Variants in ITGA4 observed in about 807,000 individuals in gnomAD.
ITGA4 encodes the protein integrin alpha-4.
Under a neutral mutation model 133.6 loss-of-function variants are expected in ITGA4, and 63 were observed. The observed-to-expected ratio is 0.47, with a 90% CI of 0.38 to 0.58. The LOEUF (loss-of-function observed/expected upper bound fraction) is 0.58. Ranked by LOEUF, ITGA4 falls within the 20% of genes least tolerant of loss-of-function variation. The pLI, the probability that ITGA4 is intolerant of heterozygous loss-of-function variation, is 0.00. For synonymous variants in ITGA4, 483 were observed against 438.0 expected (o/e 1.10, Z -1.28); for missense variants, 1,076 against 1,252.7 (o/e 0.86, Z 2.13).
At chr2:181,479,136 A>G in intron 5 of ITGA4, 1 of 189,272 alleles carries the variant, frequency 5.3e-6, no homozygotes. Flanking sequence ...GGTATTGAAA[A>G]TATCAACCCA....
chr2:181,535,733 A>AAGATAATCTCTCAGCTTTT lies in ITGA4; in HGVS notation c.*208_*226dup. The AAGATAATCTCTCAGCTTTT allele has an allele frequency of 2.1e-6, 1 of 467,478 alleles. No individual in the cohort carries two copies. Among genetic ancestry groups the AAGATAATCTCTCAGCTTTT allele is most frequent in the South Asian group, 4.4e-5 (1 of 22,772 alleles). 29.0% of individuals were successfully genotyped at this position (467,478 alleles called of 1,614,324 possible). A position where few individuals can be genotyped will look rare whatever the true frequency, so the allele number is the denominator to read the frequency against. ...AACTGCAAAGGTAATAATACAGCCAAAGATAATCTCTCAGCTTTTAAATGG... is the reference window on the plus strand; with the variant it reads ...AACTGCAAAGGTAATAATACAGCCAAAGATAATCTCTCAGCTTTTAGATAATCTCTCAGCTTTTAAATGG... On this transcript the variant is annotated 3_prime_UTR_variant, in exon 28 of 28. Transcript: ENST00000397033.
At position 181,509,794 on chromosome 2, in the gene ITGA4, T is replaced by TA. The variant is rs768868527; in HGVS notation, c.1834dup (p.Met612AsnfsTer14). 1.2e-6 allele frequency: 2 copies of TA among 1,603,738 alleles called. No individual in the cohort carries two copies. Among genetic ancestry groups the TA allele is most frequent in the African/African-American group, 2.7e-5 (2 of 74,218 alleles). ...CTTCAGCAGAAGAAAGAAAAAGACA[T>TA]AATGAAAAAAACAGTAGGAATATTT... On this transcript the variant is annotated frameshift_variant, in exon 16 of 28. Transcript: ENST00000397033. LOFTEE classifies it high-confidence loss of function.
In ITGA4 at chr2:181,531,898, A is replaced by G. The variant is rs1263419833; in HGVS notation, c.2784+122A>G. 3 of 623,686 alleles carry G rather than the reference A, an allele frequency of 4.8e-6. No homozygotes were observed. The East Asian group carries it at 9.4e-5, about 19-fold the overall frequency. 38.6% of individuals were successfully genotyped at this position (623,686 alleles called of 1,614,324 possible). A position where few individuals can be genotyped will look rare whatever the true frequency, so the allele number is the denominator to read the frequency against. Reference sequence around the variant, plus strand: ...AATTAAATTTTAAATAAAATTTTGGAGTAAAACTCTAAAACTGTATTTCTA... The same window carrying G: ...AATTAAATTTTAAATAAAATTTTGGGGTAAAACTCTAAAACTGTATTTCTA... On this transcript the variant is annotated intron_variant, in intron 25 of 27. Transcript: ENST00000397033.
At chr2:181,480,398 GA>G in intron 6 of ITGA4, 132 bp downstream of exon 6, 1 of 443,920 alleles carries the variant, frequency 2.3e-6, no homozygotes, top group Non-Finnish European at 3.9e-6. Context: ...AGGCAGTTCA[GA>G]AACTGTCTCT....
At chr2:181,515,521 G>A (rs1686587110) in intron 17 of ITGA4, among the ~76,000 whole-genome samples, 1 of 151,966 alleles carries the variant, frequency 6.6e-6, no homozygotes, top group Non-Finnish European at 1.5e-5. Context: ...TGAAAATATA[G>A]CTGCTGTGAC....
intron 4 of ITGA4, chr2:181,475,890 T>A (rs1685663642): frequency 6.4e-7 from 1 of 1,573,418 alleles, no homozygotes; most frequent in Non-Finnish European, 8.6e-7. Flanking sequence ...CAACAGAGCA[T>A]GTCAGAGGAT....
chr2:181,534,668 G>C, intron 26 of ITGA4, 148 bp from the exon 27 acceptor site: 1 of 684,102 alleles, frequency 1.5e-6, no homozygotes, highest in South Asian at 1.9e-5. Context: ...AGTGTTTCCT[G>C]CAATTATATT....
chr2:181,534,278 A>C lies in ITGA4; in HGVS notation c.2791A>C (p.Thr931Pro). 6.3e-7 allele frequency: 1 copy of C among 1,592,278 alleles called. No individual in the cohort carries two copies. The highest frequency in any genetic ancestry group is 8.6e-7 in the Non-Finnish European group (1 of 1,160,474). Residue 931 changes from threonine to proline, a missense_variant, in exon 26 of 28, where the codon ACT becomes CCT. By Grantham distance (38) the Thr-to-Pro change is conservative. Coordinates refer to ENST00000397033, the MANE Select transcript of ITGA4 (RefSeq NM_000885.6). The part of the protein sequence containing the change: ...GRPSILEMDE[T>P]SALKFEIRAT... ...TCCTTCTTTTATTAAACAGGATGAG[A>C]CTTCAGCACTCAAGTTTGAAATAAG...
At chr2:181,507,945 A>G (rs1415721624) in intron 15 of ITGA4, among the ~76,000 whole-genome samples, 2 of 152,230 alleles carry the variant, frequency 1.3e-5, no homozygotes, top group African/African-American at 2.4e-5. Flanking sequence ...TACTTAATCG[A>G]ATGACAAATG....
intron 2 of ITGA4, among the ~76,000 whole-genome samples, chr2:181,471,471 A>C (rs531614771): frequency 6.6e-6 from 1 of 152,228 alleles, no homozygotes; most frequent in African/African-American, 2.4e-5. Context: ...TTTCACCACA[A>C]TTTCCTCTGA....
chr2:181,481,461 C>G (rs1685802104), intron 6 of ITGA4, 137 bp from the exon 7 acceptor site: 2 of 370,468 alleles, frequency 5.4e-6, no homozygotes, highest in Non-Finnish European at 5.0e-6. Flanking sequence ...TTTTGAGTAT[C>G]TCTATGCTAA....
At chr2:181,478,573 A>G (rs1685733778) in intron 4 of ITGA4, among the ~76,000 whole-genome samples, 184 bp from the exon 5 acceptor site, 1 of 152,004 alleles carries the variant, frequency 6.6e-6, no homozygotes, top group Admixed American at 6.6e-5. Flanking sequence ...TTTTATTGCC[A>G]TTTCATAGGG....
At chr2:181,470,920 C>G (rs138652421) in intron 2 of ITGA4, among the ~76,000 whole-genome samples, 146 of 152,018 alleles carry the variant, frequency 9.6e-4, no homozygotes, top group African/African-American at 3.4e-3. Flanking sequence ...AAGAAAAAAC[C>G]CAGAACACTA....
In ITGA4 at chr2:181,527,392, GA is replaced by G; in HGVS notation, c.2430+9del. Reference sequence around the variant, plus strand: ...AAAATGAACTTAACTTTCCATGTAAGAAAAGTTAATTGTGTTAATATTTGTA... The same window carrying G: ...AAAATGAACTTAACTTTCCATGTAAGAAAGTTAATTGTGTTAATATTTGTA... On this transcript the variant is annotated splice_donor_region_variant and intron_variant, in intron 22 of 27. Coordinates refer to ENST00000397033, the MANE Select transcript of ITGA4 (RefSeq NM_000885.6). 1.3e-6 allele frequency: 2 copies of G among 1,580,648 alleles called. No homozygotes were observed. Among genetic ancestry groups the G allele is most frequent in the Non-Finnish European group, 8.7e-7 (1 of 1,150,094 alleles).
intron 4 of ITGA4, among the ~76,000 whole-genome samples, chr2:181,477,835 C>T (rs192542673): frequency 3.3e-5 from 5 of 152,236 alleles, no homozygotes; most frequent in African/African-American, 9.6e-5. Flanking sequence ...AGCAATCCCT[C>T]TTCTGGGTAT....
chr2:181,526,025 T>A (rs1034659400), intron 21 of ITGA4, among the ~76,000 whole-genome samples: 1 of 152,198 alleles, frequency 6.6e-6, no homozygotes, highest in Non-Finnish European at 1.5e-5. Context: ...TTGCTCTAAA[T>A]CTAAACCATC....
At chr2:181,462,155 C>T (rs1056438256) in intron 2 of ITGA4, among the ~76,000 whole-genome samples, 2 of 152,090 alleles carry the variant, frequency 1.3e-5, no homozygotes, top group African/African-American at 2.4e-5. Flanking sequence ...AACGCTATCT[C>T]TTTAGGAGAT....
Position 181,529,572 on chromosome 2 carries a change from A to G in ITGA4, c.2462A>G (p.Asn821Ser). The change falls in exon 23 of 28, where the codon AAT becomes AGT. Residue 821 changes from asparagine to serine, a missense_variant. This residue lies in a region of ITGA4 where 365 missense variants were observed against 421.4 expected (regional missense o/e 0.87). Transcript: ENST00000397033. ...AACACTGGCAATAGTATGGCTCCCA[A>G]TGTTAGTGTGGAAATAATGGTACCA... ...VINTGNSMAP[N>S]VSVEIMVPNS... 1.2e-6 allele frequency: 2 copies of G among 1,608,856 alleles called. No homozygotes were observed. Among genetic ancestry groups the G allele is most frequent in the Non-Finnish European group, 8.5e-7 (1 of 1,175,518 alleles).
chr2:181,535,652 A>AT lies in ITGA4; in HGVS notation c.*127dup. On this transcript the variant is annotated 3_prime_UTR_variant, in exon 28 of 28. Coordinates refer to ENST00000397033, the MANE Select transcript of ITGA4 (RefSeq NM_000885.6). ...TCTTTTACTCATGATCTTGTGACAT[A>AT]TTATGTCTTCATGCAAGGGGAAAAT... is the stretch of plus-strand genomic sequence containing the variant. The AT allele has an allele frequency of 7.9e-7, 1 of 1,261,022 alleles. No individual in the cohort carries two copies. The highest frequency in any genetic ancestry group is 1.1e-6 in the Non-Finnish European group (1 of 934,200). 78.1% of individuals were successfully genotyped at this position (1,261,022 alleles called of 1,614,324 possible).
Sources: gnomAD v4.1 joint callset for allele counts (sites outside exome capture counted in the v4.1 genomes callset) on GRCh38, gnomAD v4.1.1 for gene constraint, gnomAD v4.1.1 regional missense constraint, MANE v1.5 for transcripts, NCBI Gene and HGNC (gene_info 2026-07-23, HGNC 2026-07-21) for gene names.